Variants in RIMKLA observed in about 807,000 individuals in gnomAD.
RIMKLA encodes the protein ribosomal modification protein rimK like family member A, also known as N-acetylaspartylglutamate synthase A.
A neutral mutation model predicts 32.7 loss-of-function variants in RIMKLA; 14 were observed. That is an observed-to-expected ratio of 0.43 (90% CI 0.28 to 0.67). The LOEUF (loss-of-function observed/expected upper bound fraction) is 0.67, where lower values mean the gene tolerates loss of function less well. Ranked by LOEUF, RIMKLA falls within the 30% of genes least tolerant of loss-of-function variation. The pLI is 0.18. For missense variants in RIMKLA, 410 were observed against 519.0 expected, an observed-to-expected ratio of 0.79 and a Z score of 2.04; for synonymous variants, 176 against 204.1, an observed-to-expected ratio of 0.86 and a Z score of 1.18.
intron 3 of RIMKLA, among the ~76,000 whole-genome samples, chr1:42,409,229 A>T (rs1643176655): frequency 7.3e-6 from 1 of 137,412 alleles, no homozygotes; most frequent in Non-Finnish European, 1.6e-5. Context: ...AAAAAAAAAA[A>T]AAGCTGATGC....
Position 42,414,781 on chromosome 1 carries a change from G to T in RIMKLA, c.983G>T (p.Gly328Val). 3.7e-6 allele frequency: 6 copies of T among 1,614,162 alleles called. No individual in the cohort carries two copies. The highest frequency in any genetic ancestry group is 5.1e-6 in the Non-Finnish European group (6 of 1,179,990). The change falls in exon 5 of 5, where the codon GGC (glycine) becomes GTC (valine). Residue 328 changes from glycine (G) to valine (V), a missense_variant. Gly to Val is a moderately radical substitution (Grantham distance 109, BLOSUM62 -3). Transcript: ENST00000431473. ...CCAAGGGAGAAGAACGAGCCGGATG[G>T]CTGTGCTTCAGCTCAGGGAGTTGCA... Reference protein sequence around the residue: ...SSPREKNEPDGCASAQGVAES... With the variant: ...SSPREKNEPDVCASAQGVAES...
rs1453079377 is a variant in RIMKLA, at chr1:42,420,456, G to C, written c.*5482G>C. ...TCTCCACTCACCTTCCACTCCACGT[G>C]GTCCCTGTCTCCTGTCCTTGGGACA... On this transcript the variant is annotated 3_prime_UTR_variant, in exon 5 of 5. Transcript: ENST00000431473. The C allele has an allele frequency of 6.6e-6, 1 of 152,134 alleles. No individual in the cohort carries two copies. Among genetic ancestry groups the C allele is most frequent in the Non-Finnish European group, 1.5e-5 (1 of 68,052 alleles). The allele number at this position is 152,134 out of a possible 1,614,324, so 9.4% of individuals were successfully genotyped here.
chr1:42,396,175 A>G (rs12410589), intron 1 of RIMKLA, among the ~76,000 whole-genome samples: 26,917 of 145,304 alleles, frequency 0.19, 2,530 homozygotes, highest in East Asian at 0.23. Flanking sequence ...GGTGGAGGTT[A>G]CAGTGAGCTG....
intron 1 of RIMKLA, among the ~76,000 whole-genome samples, chr1:42,385,346 G>A (rs1456629508): frequency 6.6e-6 from 1 of 152,032 alleles, no homozygotes; most frequent in East Asian, 1.9e-4. Context: ...ATGATTAATT[G>A]GCTCAAGAAA....
At chr1:42,391,630 G>C (rs1643000775) in intron 1 of RIMKLA, among the ~76,000 whole-genome samples, 1 of 152,160 alleles carries the variant, frequency 6.6e-6, no homozygotes, top group South Asian at 2.1e-4. Context: ...TCAGAGGGCA[G>C]AGTGGAGATG....
At chr1:42,385,769 T>TTCTTTCTTTC (rs777161016) in intron 1 of RIMKLA, among the ~76,000 whole-genome samples, 1 of 100,324 alleles carries the variant, frequency 1.0e-5, no homozygotes, top group Non-Finnish European at 2.0e-5. Flanking sequence ...CTTTCTTTCT[T>TTCTTTCTTTC]TGTTTCTTTG....
intron 1 of RIMKLA, among the ~76,000 whole-genome samples, chr1:42,388,025 G>GA (rs1642965164): frequency 6.6e-6 from 1 of 152,138 alleles, no homozygotes; most frequent in African/African-American, 2.4e-5. Flanking sequence ...TCTGGAGGTA[G>GA]AGTAGTTTAG....
rs750362195 is a variant in RIMKLA at position 42,414,947 on chromosome 1, G to A, written c.1149G>A (p.Arg383=). The change falls in exon 5 of 5, where the codon AGG becomes AGA. Residue 383 remains arginine (R), a synonymous_variant. Transcript: ENST00000431473. ...AACCTGGCTACAACATTAACAACAG[G>A]ATTGCTTCTGAGTTAAAACTTAAGT... ...LPEPGYNINN[R]IASELKLK is the part of the protein sequence containing the mutation. 10 of 1,611,908 alleles carry A rather than the reference G, an allele frequency of 6.2e-6. No homozygotes were observed. In the Admixed American group the frequency reaches 8.4e-5, roughly 13 times the overall value.
Position 42,414,865 on chromosome 1 carries a change from G to A in RIMKLA, c.1067G>A (p.Gly356Glu), listed in dbSNP as rs757013970. ...STSSESEPEL[G>E]EIRDSSASTM... is the part of the protein sequence containing the mutation. ...TCTAGTGAAAGTGAGCCTGAACTGG[G>A]AGAGATCCGGGATTCCTCAGCAAGC... Residue 356 changes from glycine to glutamate, a missense_variant, in exon 5 of 5, where the codon GGA becomes GAA. Gly to Glu is a moderately conservative substitution (Grantham distance 98, BLOSUM62 -2). Transcript: ENST00000431473. 9 of 1,614,174 alleles carry A rather than the reference G, an allele frequency of 5.6e-6. No individual in the cohort carries two copies. Among genetic ancestry groups the A allele is most frequent in the Non-Finnish European group, 5.9e-6 (7 of 1,180,030 alleles).
At chr1:42,398,160 A>G (rs903192604) in intron 1 of RIMKLA, among the ~76,000 whole-genome samples, 2 of 152,234 alleles carry the variant, frequency 1.3e-5, no homozygotes, top group Non-Finnish European at 2.9e-5. Flanking sequence ...ACATCAGTGA[A>G]CAGACAGACA....
rs1557759886 is a variant in RIMKLA, at chr1:42,416,093, G to GGGGGC, written c.*1123_*1124insCGGGG. The GGGGGC allele has an allele frequency of 7.2e-6, 1 of 138,302 alleles. No individual in the cohort carries two copies. Among genetic ancestry groups the GGGGGC allele is most frequent in the Non-Finnish European group, 1.6e-5 (1 of 61,982 alleles). 8.6% of individuals were successfully genotyped at this position (138,302 alleles called of 1,614,324 possible). On this transcript the variant is annotated 3_prime_UTR_variant, in exon 5 of 5. Coordinates refer to ENST00000431473, the MANE Select transcript of RIMKLA (RefSeq NM_173642.4). ...TTACCCATTGCACATTTTGCGGGGGGGGGGGCTAATGTAGACATGACACCA... is the reference window on the plus strand; with the variant it reads ...TTACCCATTGCACATTTTGCGGGGGGGGGGCGGGGGCTAATGTAGACATGACACCA...
chr1:42,380,885 CCGGGGCGCCGAGGGGTCCGCGCCGCG>C lies in RIMKLA; in HGVS notation c.-41_-16del. On this transcript the variant is annotated 5_prime_UTR_variant, in exon 1 of 5. Coordinates refer to ENST00000431473, the MANE Select transcript of RIMKLA (RefSeq NM_173642.4). Reference sequence around the variant, plus strand: ...CCGCTCGCCCTACTGAGCGAGCGGCCCGGGGCGCCGAGGGGTCCGCGCCGCGCGGGGCGCACCGCCCTGGCCGCCAT... The same window carrying C: ...CCGCTCGCCCTACTGAGCGAGCGGCCCGGGGCGCACCGCCCTGGCCGCCAT... 3.3e-6 allele frequency: 4 copies of C among 1,223,888 alleles called. No individual in the cohort carries two copies. The highest frequency in any genetic ancestry group is 3.6e-5 in the South Asian group (1 of 28,138). The allele number at this position is 1,223,888 out of a possible 1,614,324, so 75.8% of individuals were successfully genotyped here. A position where few individuals can be genotyped will look rare whatever the true frequency, so the allele number is the denominator to read the frequency against.
At chr1:42,383,847 C>T (rs1402419999) in intron 1 of RIMKLA, among the ~76,000 whole-genome samples, 1 of 152,196 alleles carries the variant, frequency 6.6e-6, no homozygotes, top group Non-Finnish European at 1.5e-5. Context: ...ATGGAATAAG[C>T]TTCCTTTAGG....
intron 1 of RIMKLA, among the ~76,000 whole-genome samples, chr1:42,395,391 T>C (rs1052879765): frequency 1.7e-4 from 25 of 151,228 alleles, no homozygotes; most frequent in Non-Finnish European, 3.1e-4. Context: ...GGTTTGAGGC[T>C]AAACATAATC....
intron 2 of RIMKLA, among the ~76,000 whole-genome samples, chr1:42,403,197 C>G (rs1643115830): frequency 9.3e-6 from 1 of 107,466 alleles, no homozygotes; most frequent in African/African-American, 2.8e-5. Flanking sequence ...CTTAGTTTCC[C>G]CTGTGCTAGA....
In RIMKLA at chr1:42,422,590, G is replaced by A. The variant is rs1643304318; in HGVS notation, c.*7616G>A. The A allele has an allele frequency of 6.6e-6, 1 of 152,114 alleles. No homozygotes were observed. The highest frequency in any genetic ancestry group is 2.4e-5 in the African/African-American group (1 of 41,412). 9.4% of individuals were successfully genotyped at this position (152,114 alleles called of 1,614,324 possible). The stretch of plus-strand genomic sequence containing the variant: ...TTATTACTATGGAACAGAATGCTTT[G>A]TTTGCCTTTGTCTCCAAAATTCTGT... On this transcript the variant is annotated 3_prime_UTR_variant, in exon 5 of 5. Coordinates refer to ENST00000431473, the MANE Select transcript of RIMKLA (RefSeq NM_173642.4).
At chr1:42,409,363 C>T (rs114000120) in intron 3 of RIMKLA, among the ~76,000 whole-genome samples, 1,566 of 152,194 alleles carry the variant, frequency 0.01, 9 homozygotes, top group Non-Finnish European at 0.016. Flanking sequence ...ATGGGTATAG[C>T]CAAATAATAA....
At position 42,415,588 on chromosome 1, in the gene RIMKLA, G is replaced by A. The variant is rs1235507317; in HGVS notation, c.*614G>A. 1 of 152,210 alleles carries A rather than the reference G, an allele frequency of 6.6e-6. No homozygotes were observed. The highest frequency in any genetic ancestry group is 1.5e-5 in the Non-Finnish European group (1 of 68,070). 9.4% of individuals were successfully genotyped at this position (152,210 alleles called of 1,614,324 possible). A position where few individuals can be genotyped will look rare whatever the true frequency, so the allele number is the denominator to read the frequency against. On this transcript the variant is annotated 3_prime_UTR_variant, in exon 5 of 5. Transcript: ENST00000431473. ...TGAACGTTCTTTGACTTCACAGGTTGGCAAATGTCCTGCTTTGTAACTGGG... is the reference window on the plus strand; with the variant it reads ...TGAACGTTCTTTGACTTCACAGGTTAGCAAATGTCCTGCTTTGTAACTGGG...
In RIMKLA at chr1:42,419,801, C is replaced by T. The variant is rs1183632459; in HGVS notation, c.*4827C>T. The T allele has an allele frequency of 6.6e-6, 1 of 152,256 alleles. No homozygotes were observed. Among genetic ancestry groups the T allele is most frequent in the Non-Finnish European group, 1.5e-5 (1 of 68,064 alleles). The allele number at this position is 152,256 out of a possible 1,614,324, so 9.4% of individuals were successfully genotyped here. On this transcript the variant is annotated 3_prime_UTR_variant, in exon 5 of 5. Coordinates refer to ENST00000431473, the MANE Select transcript of RIMKLA (RefSeq NM_173642.4). ...CAAGACCATTTAACTCTACCCCACA[C>T]TTTCAGTGGTGGGATGTGAGGAAGA...
Sources: allele counts gnomAD v4.1 joint callset (sites outside exome capture counted in the v4.1 genomes callset), GRCh38; gene constraint gnomAD v4.1.1; transcripts MANE v1.5; gene names NCBI Gene and HGNC (gene_info 2026-07-23, HGNC 2026-07-21).